RABEP1: variants seen among roughly 807,000 people sequenced by gnomAD.
The protein encoded by RABEP1 is rabaptin, RAB GTPase binding effector protein 1.
In RABEP1, 51 loss-of-function variants were observed where a neutral mutation model predicts 123.4. The ratio of observed to expected loss-of-function variants is 0.41; its 90% CI spans 0.33 to 0.52. The LOEUF (loss-of-function observed/expected upper bound fraction) is 0.52, where lower values mean the gene tolerates loss of function less well. RABEP1 is among the 20% of genes least tolerant of loss of function. The pLI, the probability that RABEP1 is intolerant of heterozygous loss-of-function variation, is 0.16. For missense variants in RABEP1, 888 were observed against 996.3 expected, an observed-to-expected ratio of 0.89 and a Z score of 1.46; for synonymous variants, 347 against 355.2, an observed-to-expected ratio of 0.98 and a Z score of 0.26.
At chr17:5,347,075 A>G in intron 6 of RABEP1, 150 bp downstream of exon 6, 1 of 665,134 alleles carries the variant, frequency 1.5e-6, no homozygotes, top group Non-Finnish European at 2.3e-6. Flanking sequence ...GTACTCATGC[A>G]AAGCTGAAAT....
At chr17:5,366,697 C>T (rs554572354) in intron 11 of RABEP1, among the ~76,000 whole-genome samples, 15 of 151,864 alleles carry the variant, frequency 9.9e-5, no homozygotes, top group East Asian at 3.9e-4. Flanking sequence ...CCACTTGCCT[C>T]GGCCTCCCAA....
At chr17:5,367,405 G>A (rs1910112803) in intron 11 of RABEP1, among the ~76,000 whole-genome samples, 2 of 150,760 alleles carry the variant, frequency 1.3e-5, no homozygotes, top group South Asian at 4.2e-4. Flanking sequence ...CTGAGTAGCT[G>A]GGACTACAGG....
At chr17:5,345,822 A>G (rs1908018655) in intron 5 of RABEP1, among the ~76,000 whole-genome samples, 1 of 152,226 alleles carries the variant, frequency 6.6e-6, no homozygotes, top group Non-Finnish European at 1.5e-5. Context: ...GATAAAAGGC[A>G]TGAAAAGGAC....
chr17:5,292,809 G>A (rs2075045714), intron 1 of RABEP1, among the ~76,000 whole-genome samples: 1 of 152,120 alleles, frequency 6.6e-6, no homozygotes. Flanking sequence ...AGCCTCTGGA[G>A]TAGCTGAGAC....
At chr17:5,350,204 C>A (rs1161896145) in intron 6 of RABEP1, among the ~76,000 whole-genome samples, 3 of 152,058 alleles carry the variant, frequency 2.0e-5, no homozygotes, top group African/African-American at 7.2e-5. Flanking sequence ...CATGGTGAAA[C>A]CCCGTCTCTA....
chr17:5,369,002 G>A (rs201177378), intron 12 of RABEP1, among the ~76,000 whole-genome samples: 20 of 152,100 alleles, frequency 1.3e-4, no homozygotes, highest in African/African-American at 4.8e-4. Flanking sequence ...CCAGCTACTC[G>A]GGAGGCTGAG....
At chr17:5,331,229 A>G (rs1208441071) in intron 2 of RABEP1, among the ~76,000 whole-genome samples, 1 of 151,816 alleles carries the variant, frequency 6.6e-6, no homozygotes, top group Non-Finnish European at 1.5e-5. Context: ...AGATGCTCAA[A>G]CTCCTTATTA....
At chr17:5,338,258 C>A in intron 5 of RABEP1, 120 bp downstream of exon 5, 1 of 1,287,030 alleles carries the variant, frequency 7.8e-7, no homozygotes, top group Admixed American at 2.6e-5. Context: ...TCTTAAGAAT[C>A]TTTCTTTAAA....
chr17:5,292,420 G>C (rs754761860), intron 1 of RABEP1, among the ~76,000 whole-genome samples: 1 of 150,614 alleles, frequency 6.6e-6, no homozygotes, highest in Non-Finnish European at 1.5e-5. Flanking sequence ...ATGGAGTTTC[G>C]CTTCGTTACC....
intron 15 of RABEP1, 68 bp from the exon 16 acceptor site, chr17:5,380,296 C>A: frequency 9.5e-7 from 1 of 1,050,968 alleles, no homozygotes. Flanking sequence ...AGGCTCTAGG[C>A]TCTTTTAGGT....
chr17:5,356,873 T>G (rs895872156), intron 8 of RABEP1, among the ~76,000 whole-genome samples: 5 of 151,400 alleles, frequency 3.3e-5, no homozygotes, highest in African/African-American at 1.2e-4. Context: ...CATGTGTTTC[T>G]ATTTGCACTT....
rs148578997 is a variant in RABEP1 at position 5,340,178 on chromosome 17, G to C, written c.648+2040G>C. 3.1e-3 allele frequency among the ~76,000 whole-genome samples: 466 copies of C among 152,300 alleles called. 3 individuals are homozygous for C. The highest frequency in any genetic ancestry group is 5.7e-3 in the Admixed American group (87 of 15,292). On this transcript the variant is annotated intron_variant, in intron 5 of 17. Transcript: ENST00000537505. ...GTTATTTAGTTGTAATTGACACACA[G>C]AACTCGGTATCCAAGAGTGAGATGG...
chr17:5,321,937 G>C (rs974661206), intron 2 of RABEP1, among the ~76,000 whole-genome samples: 1 of 152,058 alleles, frequency 6.6e-6, no homozygotes, highest in African/African-American at 2.4e-5. Context: ...GGTGGCTCAC[G>C]CCTCTAATCC....
chr17:5,339,738 T>G (rs1907417890), intron 5 of RABEP1, among the ~76,000 whole-genome samples: 1 of 151,324 alleles, frequency 6.6e-6, no homozygotes, highest in Non-Finnish European at 1.5e-5. Context: ...AGGTGGAGAT[T>G]GTTGCAGTTA....
intron 17 of RABEP1, 95 bp from the exon 18 acceptor site, chr17:5,383,026 CT>C: frequency 1.1e-6 from 1 of 916,102 alleles, no homozygotes; most frequent in Non-Finnish European, 1.8e-6. Context: ...GACTAGTACT[CT>C]GGTGAGTTAA....
At chr17:5,382,675 C>T (rs1354917323) in intron 17 of RABEP1, among the ~76,000 whole-genome samples, 1 of 152,014 alleles carries the variant, frequency 6.6e-6, no homozygotes, top group East Asian at 2.0e-4. Context: ...TTGCTTGAAC[C>T]CGGGAAGTGG....
At chr17:5,378,445 G>C (rs947368131) in intron 15 of RABEP1, 14 of 637,198 alleles carry the variant, frequency 2.2e-5, no homozygotes, top group Non-Finnish European at 4.0e-5. Context: ...GAGGAGGTAA[G>C]GCTAAGATGT....
chr17:5,340,948 C>CAA (rs61580974), intron 5 of RABEP1, among the ~76,000 whole-genome samples: 34,950 of 117,372 alleles, frequency 0.3, 5,276 homozygotes, highest in East Asian at 0.64. Context: ...AACTCCGTCT[C>CAA]AAAAAAAAAA....
rs1909204061 is a variant in RABEP1 at position 5,358,306 on chromosome 17, T to C, written c.1096-2902T>C. ...ATGTCATAATGTTATATATAATTTT[T>C]CCTTGTACAAAAATCATTATGGATG... On this transcript the variant is annotated intron_variant, in intron 8 of 17. Transcript: ENST00000537505. Among the ~76,000 whole-genome samples the C allele has an allele frequency of 2.0e-5, 3 of 152,210 alleles. No homozygotes were observed. The South Asian group carries it at 6.2e-4, about 32-fold the overall frequency.
Sources: allele counts gnomAD v4.1 joint callset (sites outside exome capture counted in the v4.1 genomes callset), GRCh38; gene constraint gnomAD v4.1.1; transcripts MANE v1.5; gene names NCBI Gene and HGNC (gene_info 2026-07-23, HGNC 2026-07-21).